The following PABPC4L variants were observed in gnomAD, a reference collection of about 807,000 sequenced individuals.
The protein encoded by PABPC4L is polyadenylate-binding protein 4-like.
For synonymous variants in PABPC4L, 169 were observed against 164.1 expected, an observed-to-expected ratio of 1.03 and a Z score of -0.23; for missense variants, 452 against 451.4, an observed-to-expected ratio of 1.00 and a Z score of -0.01.
chr4:134,110,225 A>G, the PABPC4L span, among the ~76,000 whole-genome samples: 1 of 152,030 alleles, frequency 6.6e-6, no homozygotes, highest in South Asian at 2.1e-4. Flanking sequence ...AAAGTATACT[A>G]TAATTACTGA....
At chr4:134,189,229 A>G in the PABPC4L span, among the ~76,000 whole-genome samples, 47 of 152,106 alleles carry the variant, frequency 3.1e-4, no homozygotes, top group Non-Finnish European at 4.4e-5. Flanking sequence ...CCCTTAACAT[A>G]TTCACTAAAG....
At chr4:133,993,849 G>A in the PABPC4L span, among the ~76,000 whole-genome samples, 1 of 152,148 alleles carries the variant, frequency 6.6e-6, no homozygotes, top group African/African-American at 2.4e-5. Context: ...AAAATAAGAT[G>A]TGTAGATCTA....
the PABPC4L span, among the ~76,000 whole-genome samples, chr4:133,969,044 C>T: frequency 6.6e-6 from 1 of 152,170 alleles, no homozygotes; most frequent in African/African-American, 2.4e-5. Context: ...TGGTTTGGGT[C>T]TCGGGTCTGA....
chr4:133,971,408 G>A, the PABPC4L span, among the ~76,000 whole-genome samples: 1 of 152,044 alleles, frequency 6.6e-6, no homozygotes, highest in Admixed American at 6.6e-5. Context: ...ACCGCGCCCG[G>A]CCTTAAATTC....
the PABPC4L span, among the ~76,000 whole-genome samples, chr4:134,164,982 T>G: frequency 6.6e-6 from 1 of 151,990 alleles, no homozygotes; most frequent in Non-Finnish European, 1.5e-5. Flanking sequence ...AGCCAAATAC[T>G]TATAACCAAC....
At chr4:134,052,313 T>G in the PABPC4L span, among the ~76,000 whole-genome samples, 1 of 152,242 alleles carries the variant, frequency 6.6e-6, no homozygotes, top group African/African-American at 2.4e-5. Context: ...TTTAATTTTT[T>G]TAGCCCAGTC....
At chr4:134,040,433 A>G in the PABPC4L span, among the ~76,000 whole-genome samples, 1 of 152,088 alleles carries the variant, frequency 6.6e-6, no homozygotes, top group African/African-American at 2.4e-5. Flanking sequence ...CACATCTACA[A>G]TCACCTGATC....
At chr4:134,038,350 G>A in the PABPC4L span, among the ~76,000 whole-genome samples, 11 of 152,220 alleles carry the variant, frequency 7.2e-5, no homozygotes, top group East Asian at 1.9e-3. Context: ...ATTAGTTAGG[G>A]AGGATTCCCT....
At chr4:134,121,141 T>A in the PABPC4L span, among the ~76,000 whole-genome samples, 1 of 151,376 alleles carries the variant, frequency 6.6e-6, no homozygotes, top group Non-Finnish European at 1.5e-5. Context: ...CAATGATTTT[T>A]AGAATTCTCA....
chr4:134,161,180 T>C, the PABPC4L span, among the ~76,000 whole-genome samples: 2 of 151,746 alleles, frequency 1.3e-5, no homozygotes, highest in Admixed American at 1.3e-4. Flanking sequence ...AACAGCAGAC[T>C]TAATCAAGCA....
chr4:133,997,075 T>C, the PABPC4L span, among the ~76,000 whole-genome samples: 5 of 152,188 alleles, frequency 3.3e-5, no homozygotes, highest in South Asian at 2.1e-4. Flanking sequence ...ATCTTTCCTA[T>C]AATTTTTCCC....
chr4:134,193,568 T>C (rs1425509889), downstream of PABPC4L, among the ~76,000 whole-genome samples: 5 of 152,004 alleles, frequency 3.3e-5, no homozygotes, highest in East Asian at 1.9e-4. Flanking sequence ...AGTATTTCCA[T>C]TTTGAAAAGA....
At chr4:134,175,151 T>C in the PABPC4L span, among the ~76,000 whole-genome samples, 2 of 152,272 alleles carry the variant, frequency 1.3e-5, no homozygotes, top group East Asian at 1.9e-4. Context: ...CGCATATCCA[T>C]GTCCTTTTAA....
chr4:134,124,689 T>C, the PABPC4L span, among the ~76,000 whole-genome samples: 3 of 152,104 alleles, frequency 2.0e-5, no homozygotes, highest in Non-Finnish European at 4.4e-5. Context: ...CTAAGTTCAG[T>C]CATAATGATA....
chr4:134,024,903 A>G, the PABPC4L span, among the ~76,000 whole-genome samples: 3 of 140,668 alleles, frequency 2.1e-5, no homozygotes, highest in African/African-American at 8.1e-5. Context: ...CTGTGTAGCT[A>G]GAACCCAGCT....
chr4:134,149,822 G>C, the PABPC4L span, among the ~76,000 whole-genome samples: 1 of 152,248 alleles, frequency 6.6e-6, no homozygotes, highest in Non-Finnish European at 1.5e-5. Context: ...AGGGTGAAAA[G>C]GATCCAATGT....
the PABPC4L span, among the ~76,000 whole-genome samples, chr4:134,067,120 C>G: frequency 6.6e-6 from 1 of 152,022 alleles, no homozygotes; most frequent in Admixed American, 6.6e-5. Flanking sequence ...GTTACAAGCC[C>G]TTCTTTATGC....
At chr4:134,117,021 T>C in the PABPC4L span, among the ~76,000 whole-genome samples, 1 of 151,690 alleles carries the variant, frequency 6.6e-6, no homozygotes, top group Non-Finnish European at 1.5e-5. Context: ...TTTCTTCTTC[T>C]ATTTTTCTGT....
the PABPC4L span, among the ~76,000 whole-genome samples, chr4:134,002,568 T>C: frequency 6.6e-6 from 1 of 151,982 alleles, no homozygotes; most frequent in Non-Finnish European, 1.5e-5. Context: ...TATTTAGCCA[T>C]GAATTAATAA....
Sources: allele counts gnomAD v4.1 joint callset (sites outside exome capture counted in the v4.1 genomes callset), GRCh38; gene constraint gnomAD v4.1.1; transcripts MANE v1.5; gene names NCBI Gene and HGNC (gene_info 2026-07-23, HGNC 2026-07-21).